CRIM1: variants seen among roughly 807,000 people sequenced by gnomAD.
CRIM1 encodes the protein cysteine rich transmembrane BMP regulator 1, also known as cysteine-rich motor neuron 1 protein.
In CRIM1, 32 loss-of-function variants were observed where a neutral mutation model predicts 116.4. The ratio of observed to expected loss-of-function variants is 0.27; its 90% CI spans 0.21 to 0.37. CRIM1 has a LOEUF of 0.37. CRIM1 is among the 10% of genes least tolerant of loss of function. The probability of loss-of-function intolerance (pLI) is 1.00; values close to 1 mark genes in which losing one functional copy is unlikely to be tolerated. For missense variants in CRIM1, 1,331 were observed against 1,354.8 expected (o/e 0.98, Z 0.28); for synonymous variants, 590 against 509.2 (o/e 1.16, Z -2.13).
rs1237071723 is a variant in CRIM1 at position 36,550,498 on chromosome 2, T to A, written c.*1797T>A. Reference sequence around the variant, plus strand: ...TGTGTTCTGTTTTGTAAAGGAACTTTCAAGTATTGTTGTAAATACTTGGAC... The same window carrying A: ...TGTGTTCTGTTTTGTAAAGGAACTTACAAGTATTGTTGTAAATACTTGGAC... On this transcript the variant is annotated 3_prime_UTR_variant, in exon 17 of 17. Coordinates refer to ENST00000280527, the MANE Select transcript of CRIM1 (RefSeq NM_016441.3). The A allele has an allele frequency of 6.6e-6, 1 of 152,578 alleles. No homozygotes were observed. The highest frequency in any genetic ancestry group is 2.4e-5 in the African/African-American group (1 of 41,438). 9.5% of individuals were successfully genotyped at this position (152,578 alleles called of 1,614,324 possible).
intron 13 of CRIM1, among the ~76,000 whole-genome samples, chr2:36,524,745 C>T (rs992086347): frequency 1.3e-5 from 2 of 152,156 alleles, no homozygotes; most frequent in Admixed American, 6.5e-5. Flanking sequence ...TCTCACAAAA[C>T]CAATTTAACA....
At chr2:36,477,252 A>G (rs1474075781) in intron 6 of CRIM1, among the ~76,000 whole-genome samples, 181 bp downstream of exon 6, 1 of 152,200 alleles carries the variant, frequency 6.6e-6, no homozygotes, top group Non-Finnish European at 1.5e-5. Flanking sequence ...GTGTGTGGAA[A>G]CACTTCCCTA....
intron 4 of CRIM1, among the ~76,000 whole-genome samples, chr2:36,460,333 C>A (rs1381380614): frequency 6.6e-6 from 1 of 152,150 alleles, no homozygotes; most frequent in African/African-American, 2.4e-5. Flanking sequence ...CCAGAATTGG[C>A]AAGTCCATAG....
At chr2:36,360,604 A>T (rs2161904) in intron 1 of CRIM1, among the ~76,000 whole-genome samples, 1 of 151,966 alleles carries the variant, frequency 6.6e-6, no homozygotes, top group African/African-American at 2.4e-5. Context: ...TTGCCATGCA[A>T]AGTTTCTTTG....
chr2:36,519,955 A>T (rs1665271808), intron 12 of CRIM1, among the ~76,000 whole-genome samples: 1 of 152,196 alleles, frequency 6.6e-6, no homozygotes, highest in African/African-American at 2.4e-5. Flanking sequence ...AAAACAGTGA[A>T]AACACTGGTA....
chr2:36,410,591 A>G (rs577178992), intron 2 of CRIM1, among the ~76,000 whole-genome samples: 3 of 152,026 alleles, frequency 2.0e-5, no homozygotes, highest in African/African-American at 7.2e-5. Flanking sequence ...TGTTATTAAG[A>G]GGAAAAGTCC....
chr2:36,391,472 A>T (rs1274471223), intron 1 of CRIM1, among the ~76,000 whole-genome samples: 1 of 152,090 alleles, frequency 6.6e-6, no homozygotes. Flanking sequence ...GAAAAATCAC[A>T]TGAGAACCAG....
chr2:36,471,762 A>ACACACAG (rs1209433744), intron 5 of CRIM1, among the ~76,000 whole-genome samples: 12 of 55,412 alleles, frequency 2.2e-4, no homozygotes, highest in African/African-American at 7.9e-4. Flanking sequence ...CACACACACC[A>ACACACAG]TCTTACAATG....
At chr2:36,524,788 G>A (rs893338334) in intron 13 of CRIM1, among the ~76,000 whole-genome samples, 2 of 152,090 alleles carry the variant, frequency 1.3e-5, no homozygotes, top group African/African-American at 4.8e-5. Context: ...CCTGCAAATC[G>A]TAGTATTCTG....
In CRIM1 at chr2:36,455,384, A is replaced by T. The variant is rs180722802; in HGVS notation, c.870-9150A>T. 2.6e-5 allele frequency among the ~76,000 whole-genome samples: 4 copies of T among 152,346 alleles called. No individual in the cohort carries two copies. The East Asian group carries it at 7.7e-4, about 29-fold the overall frequency. On this transcript the variant is annotated intron_variant, in intron 4 of 16. Coordinates refer to ENST00000280527, the MANE Select transcript of CRIM1 (RefSeq NM_016441.3). ...CTTTTCATCAGTTCGTTTAATCCAC[A>T]TAGCAGTCATATGATATGTGGGTAC...
chr2:36,421,409 C>G (rs553248288), intron 2 of CRIM1, among the ~76,000 whole-genome samples: 3 of 152,176 alleles, frequency 2.0e-5, no homozygotes, highest in African/African-American at 7.2e-5. Context: ...CTTGATGGGA[C>G]TTTTTTCAAA....
intron 2 of CRIM1, among the ~76,000 whole-genome samples, chr2:36,417,670 ACT>A (rs1673724133): frequency 1.3e-5 from 2 of 152,184 alleles, no homozygotes; most frequent in Admixed American, 6.5e-5. Context: ...TGTCAGTTAA[ACT>A]CTAACCAAAG....
intron 2 of CRIM1, among the ~76,000 whole-genome samples, chr2:36,420,576 C>A (rs1558564147): frequency 6.6e-6 from 1 of 152,164 alleles, no homozygotes; most frequent in African/African-American, 2.4e-5. Context: ...TCTTAAGTGC[C>A]ATTTGAGAGG....
chr2:36,356,980 C>T lies in CRIM1; in HGVS notation c.331+357C>T, dbSNP rs1358416822. Among the ~76,000 whole-genome samples, 2 of 152,292 alleles carry T rather than the reference C, an allele frequency of 1.3e-5. No homozygotes were observed. The highest frequency in any genetic ancestry group is 3.9e-4 in the East Asian group (2 of 5,156). ...CGGGCGGGGGGCACTGCAGATTCTG[C>T]CGCGCGCGAGCCCCTCGGGGAGCCC... On this transcript the variant is annotated intron_variant, in intron 1 of 16. Coordinates refer to ENST00000280527, the MANE Select transcript of CRIM1 (RefSeq NM_016441.3). This position sits in a 1 kb window ranked among gnomAD's most constrained non-coding sequence, Gnocchi z 4.3.
intron 4 of CRIM1, among the ~76,000 whole-genome samples, chr2:36,456,087 T>G (rs537980003): frequency 1.3e-5 from 2 of 152,172 alleles, no homozygotes; most frequent in African/African-American, 4.8e-5. Context: ...CAATGGAGGC[T>G]TTGCTCAGAT....
intron 7 of CRIM1, among the ~76,000 whole-genome samples, chr2:36,480,796 G>A (rs1313571313): frequency 3.3e-5 from 5 of 152,046 alleles, no homozygotes; most frequent in Non-Finnish European, 7.4e-5. Context: ...CCACACTCCA[G>A]AACTTTACAG....
At position 36,391,443 on chromosome 2, in the gene CRIM1, T is replaced by G. The variant is rs572818534; in HGVS notation, c.332-5171T>G. On this transcript the variant is annotated intron_variant, in intron 1 of 16. Coordinates refer to ENST00000280527, the MANE Select transcript of CRIM1 (RefSeq NM_016441.3). ...GCGCCCGGCCCACTTTTGATTTTTT[T>G]AGAACATTAATGTGCTGGGAAAAAT... 2.0e-5 allele frequency among the ~76,000 whole-genome samples: 3 copies of G among 152,260 alleles called. 1 individual carries two copies. In the South Asian group the frequency reaches 6.2e-4, roughly 32 times the overall value.
chr2:36,443,310 G>A (rs1007864648), intron 4 of CRIM1, among the ~76,000 whole-genome samples: 7 of 152,156 alleles, frequency 4.6e-5, no homozygotes, highest in Non-Finnish European at 1.0e-4. Context: ...TAGCCCCCTA[G>A]AACTAGTTTT....
chr2:36,368,039 TTGAGTAATTGC>T (rs1182031907), intron 1 of CRIM1, among the ~76,000 whole-genome samples: 1 of 151,962 alleles, frequency 6.6e-6, no homozygotes, highest in East Asian at 1.9e-4. Context: ...TAGGAGAGAG[TTGAGTAATTGC>T]TCTTCTTCCT....
Sources: allele counts gnomAD v4.1 joint callset (sites outside exome capture counted in the v4.1 genomes callset), GRCh38; gene constraint gnomAD v4.1.1; non-coding constraint Gnocchi (gnomAD v3.1); transcripts MANE v1.5; gene names NCBI Gene and HGNC (gene_info 2026-07-23, HGNC 2026-07-21).